The following NPEPPS variants were observed in gnomAD, a reference collection of about 807,000 sequenced individuals.
NPEPPS encodes the protein aminopeptidase puromycin sensitive.
In NPEPPS, 14 loss-of-function variants were observed where a neutral mutation model predicts 115.5. The observed-to-expected ratio is 0.12, with a 90% CI of 0.08 to 0.19. The LOEUF (loss-of-function observed/expected upper bound fraction) is 0.19, where lower values mean the gene tolerates loss of function less well. NPEPPS is among the 10% of genes least tolerant of loss of function. The probability of loss-of-function intolerance (pLI) is 1.00; values close to 1 mark genes in which losing one functional copy is unlikely to be tolerated. For synonymous variants in NPEPPS, 285 were observed against 390.6 expected, an observed-to-expected ratio of 0.73 and a Z score of 3.19; for missense variants, 523 against 1,110.8, an observed-to-expected ratio of 0.47 and a Z score of 7.52.
At chr17:47,591,822 A>G (rs1912523033) in intron 10 of NPEPPS, 134 bp from the exon 11 acceptor site, 2 of 491,660 alleles carry the variant, frequency 4.1e-6, no homozygotes, top group Admixed American at 3.7e-5. Context: ...TTTGAGGACC[A>G]TCGTTATACA....
Position 47,622,427 on chromosome 17 carries a change from T to C in NPEPPS, c.*507T>C. On this transcript the variant is annotated 3_prime_UTR_variant, in exon 23 of 23. Transcript: ENST00000322157. Reference sequence around the variant, plus strand: ...AGTCAGTGCATAATTCCAAGTGGCTTTTTTTTTTTTTGGCACGGGGACTGA... The same window carrying C: ...AGTCAGTGCATAATTCCAAGTGGCTCTTTTTTTTTTTGGCACGGGGACTGA... 8.9e-6 allele frequency: 1 copy of C among 112,490 alleles called. No individual in the cohort carries two copies. The highest frequency in any genetic ancestry group is 1.7e-5 in the Non-Finnish European group (1 of 58,544). 7.0% of individuals were successfully genotyped at this position (112,490 alleles called of 1,614,324 possible).
intron 2 of NPEPPS, among the ~76,000 whole-genome samples, chr17:47,547,192 G>A (rs562882608): frequency 6.6e-6 from 1 of 152,268 alleles, no homozygotes; most frequent in South Asian, 2.1e-4. Flanking sequence ...CTCCATTAGT[G>A]TCTATAAAAT....
chr17:47,549,725 G>A, intron 2 of NPEPPS, among the ~76,000 whole-genome samples: 1 of 145,276 alleles, frequency 6.9e-6, no homozygotes, highest in East Asian at 2.1e-4. Flanking sequence ...AAGTTGCAGT[G>A]AGTGGAGATT....
intron 14 of NPEPPS, 47 bp downstream of exon 14, chr17:47,599,786 T>A: frequency 7.2e-7 from 1 of 1,387,758 alleles, no homozygotes; most frequent in Non-Finnish European, 1.0e-6. Flanking sequence ...ATTTGGATAT[T>A]AACTAATACC....
intron 1 of NPEPPS, among the ~76,000 whole-genome samples, chr17:47,535,155 A>G (rs1174241008): frequency 7.1e-6 from 1 of 141,600 alleles, no homozygotes. Flanking sequence ...AGGCAGGAGA[A>G]TGGCGTGAAT....
intron 12 of NPEPPS, among the ~76,000 whole-genome samples, chr17:47,594,781 C>T (rs1304486500): frequency 5.3e-5 from 8 of 150,538 alleles, no homozygotes; most frequent in Non-Finnish European, 7.4e-5. Context: ...TACAGGCGCC[C>T]GCCACCACGC....
intron 1 of NPEPPS, among the ~76,000 whole-genome samples, chr17:47,544,678 C>CCTATGCCA (rs1909064631): frequency 6.6e-6 from 1 of 150,924 alleles, no homozygotes; most frequent in African/African-American, 2.4e-5. Context: ...GAATTATGGG[C>CCTATGCCA]CTATGCCACC....
intron 3 of NPEPPS, among the ~76,000 whole-genome samples, chr17:47,574,257 G>C (rs1911372687): frequency 6.6e-6 from 1 of 152,032 alleles, no homozygotes; most frequent in African/African-American, 2.4e-5. Context: ...AATGAAATAA[G>C]TGAAGTGAGG....
intron 20 of NPEPPS, 44 bp from the exon 21 acceptor site, chr17:47,618,965 A>G (rs777244459): frequency 1.9e-6 from 3 of 1,580,304 alleles, no homozygotes; most frequent in Non-Finnish European, 2.6e-6. Context: ...GTACCAGAAT[A>G]TGTTTTTGAT....
At chr17:47,531,801 G>T (rs977035960) in intron 1 of NPEPPS, among the ~76,000 whole-genome samples, 3 of 152,098 alleles carry the variant, frequency 2.0e-5, no homozygotes, top group African/African-American at 7.2e-5. Context: ...CGCGCTGCGG[G>T]AGCTCTGGGG....
chr17:47,557,120 C>T (rs113466443), intron 2 of NPEPPS, among the ~76,000 whole-genome samples: 1 of 152,134 alleles, frequency 6.6e-6, no homozygotes, highest in Non-Finnish European at 1.5e-5. Flanking sequence ...ACTCTGTCAC[C>T]CAGGCTGGAG....
Position 47,622,212 on chromosome 17 carries a change from AAGTATTTAACACTC to A in NPEPPS, c.*293_*306del. 3.7e-6 allele frequency: 2 copies of A among 537,114 alleles called. No individual in the cohort carries two copies. Among genetic ancestry groups the A allele is most frequent in the South Asian group, 6.3e-5 (1 of 15,970 alleles). The allele number at this position is 537,114 out of a possible 1,614,324, so 33.3% of individuals were successfully genotyped here. On this transcript the variant is annotated 3_prime_UTR_variant, in exon 23 of 23. Coordinates refer to ENST00000322157, the MANE Select transcript of NPEPPS (RefSeq NM_006310.4). ...TTTCTGAAGCCTTGTCAGTGGTTAA[AAGTATTTAACACTC>A]TACTGTTAATGACAGATGTTCTGTT...
chr17:47,550,614 GTA>G (rs936109382), intron 2 of NPEPPS, among the ~76,000 whole-genome samples: 4 of 139,542 alleles, frequency 2.9e-5, no homozygotes, highest in Admixed American at 1.5e-4. Context: ...ATATATATAT[GTA>G]TATATATATA....
intron 1 of NPEPPS, among the ~76,000 whole-genome samples, chr17:47,542,403 G>A (rs1908828658): frequency 6.6e-6 from 1 of 151,952 alleles, no homozygotes; most frequent in Non-Finnish European, 1.5e-5. Flanking sequence ...AAAATTTACC[G>A]GGCGTAGTGG....
intron 12 of NPEPPS, among the ~76,000 whole-genome samples, chr17:47,593,273 G>C (rs1174008893): frequency 6.6e-6 from 1 of 152,168 alleles, no homozygotes; most frequent in Non-Finnish European, 1.5e-5. Flanking sequence ...CCAACTTAAA[G>C]AGTCTGGGCC....
intron 1 of NPEPPS, among the ~76,000 whole-genome samples, chr17:47,538,188 T>C (rs1232246127): frequency 1.4e-5 from 2 of 145,510 alleles, no homozygotes; most frequent in East Asian, 2.0e-4. Flanking sequence ...CCACCGCGCC[T>C]AGCCATATCT....
chr17:47,595,044 T>C (rs1912775122), intron 12 of NPEPPS, among the ~76,000 whole-genome samples: 1 of 151,136 alleles, frequency 6.6e-6, no homozygotes, highest in Non-Finnish European at 1.5e-5. Flanking sequence ...GATTCTCCTG[T>C]CTCAGCCTCC....
upstream of NPEPPS, among the ~76,000 whole-genome samples, chr17:47,528,255 TCA>T (rs1439831199): frequency 6.6e-6 from 1 of 151,944 alleles, no homozygotes; most frequent in Non-Finnish European, 1.5e-5. Context: ...TGAGCTTAGA[TCA>T]CGCCACTGCA....
chr17:47,523,494 C>T (rs1410545092), intron 1 of NPEPPS, among the ~76,000 whole-genome samples: 2 of 151,614 alleles, frequency 1.3e-5, no homozygotes, highest in Non-Finnish European at 2.9e-5. Context: ...GATCTTGACT[C>T]ACTGCAAACT....
Sources: allele counts gnomAD v4.1 joint callset (sites outside exome capture counted in the v4.1 genomes callset), GRCh38; gene constraint gnomAD v4.1.1; transcripts MANE v1.5; gene names NCBI Gene and HGNC (gene_info 2026-07-23, HGNC 2026-07-21).